Variants in CCND1 observed in about 807,000 individuals in gnomAD.
The protein encoded by CCND1 is G1/S-specific cyclin-D1.
In CCND1, 9 loss-of-function variants were observed where a neutral mutation model predicts 26.1. That is an observed-to-expected ratio of 0.35 (90% confidence interval 0.21 to 0.60). The LOEUF (loss-of-function observed/expected upper bound fraction) is 0.60. CCND1 is among the 20% of genes least tolerant of loss of function. The probability of loss-of-function intolerance (pLI) is 0.79; values close to 1 mark genes in which losing one functional copy is unlikely to be tolerated. For synonymous variants in CCND1, 194 were observed against 166.1 expected (o/e 1.17, Z -1.29); for missense variants, 335 against 392.9 (o/e 0.85, Z 1.25).
At chr11:69,646,738 G>A (rs549500341) in intron 3 of CCND1, among the ~76,000 whole-genome samples, 11 of 152,330 alleles carry the variant, frequency 7.2e-5, no homozygotes, top group African/African-American at 2.2e-4. Context: ...ACCTGTCCAC[G>A]GTAGGCGCAT....
Position 69,652,273 on chromosome 11 carries a change from T to C in CCND1, c.*991T>C. The C allele has an allele frequency of 4.3e-6, 1 of 233,782 alleles. No individual in the cohort carries two copies. The highest frequency in any genetic ancestry group is 1.3e-3 in the Middle Eastern group (1 of 786). The allele number at this position is 233,782 out of a possible 1,614,324, so 14.5% of individuals were successfully genotyped here. On this transcript the variant is annotated 3_prime_UTR_variant, in exon 5 of 5. Transcript: ENST00000227507. ...TACTTGGTTTGTGTTCTTCTTCATA[T>C]TCTAAAACCATTCCATTTCCAAGCA...
At chr11:69,646,293 C>T (rs1228869688) in intron 3 of CCND1, among the ~76,000 whole-genome samples, 4 of 152,194 alleles carry the variant, frequency 2.6e-5, no homozygotes, top group Admixed American at 6.5e-5. Flanking sequence ...AGAGGTGGCT[C>T]GGCTCGTTAA....
rs1244101535 is a variant in CCND1, at chr11:69,653,287, C to T, written c.*2005C>T. 8 of 702,706 alleles carry T rather than the reference C, an allele frequency of 1.1e-5. No homozygotes were observed. Among genetic ancestry groups the T allele is most frequent in the Non-Finnish European group, 1.8e-5 (7 of 384,914 alleles). The allele number at this position is 702,706 out of a possible 1,614,324, so 43.5% of individuals were successfully genotyped here. On this transcript the variant is annotated 3_prime_UTR_variant, in exon 5 of 5. Coordinates refer to ENST00000227507, the MANE Select transcript of CCND1 (RefSeq NM_053056.3). The stretch of plus-strand genomic sequence containing the variant: ...AGGCACGGTTTGGAAATATTCACAT[C>T]GCTTCTGTGTATCTCTTTCACATTG...
intron 4 of CCND1, among the ~76,000 whole-genome samples, chr11:69,648,556 G>A (rs1168044813): frequency 6.6e-6 from 1 of 152,246 alleles, no homozygotes; most frequent in Non-Finnish European, 1.5e-5. Context: ...CCGAGACACC[G>A]GACAACGGGC....
Position 69,653,419 on chromosome 11 carries a change from GTTTT to G in CCND1, c.*2148_*2151del. ...TTGTATTACAGATGCCTTTTTTGTA[GTTTT>G]TTTTTTTTTTATGTGATCAATTTTG... is the stretch of plus-strand genomic sequence containing the variant. On this transcript the variant is annotated 3_prime_UTR_variant, in exon 5 of 5. Transcript: ENST00000227507. 5.4e-6 allele frequency: 3 copies of G among 560,500 alleles called. No individual in the cohort carries two copies. The highest frequency in any genetic ancestry group is 9.4e-6 in the Non-Finnish European group (3 of 320,850). 34.7% of individuals were successfully genotyped at this position (560,500 alleles called of 1,614,324 possible). A position where few individuals can be genotyped will look rare whatever the true frequency, so the allele number is the denominator to read the frequency against.
intron 4 of CCND1, among the ~76,000 whole-genome samples, chr11:69,648,920 C>G (rs2120113075): frequency 6.6e-6 from 1 of 152,266 alleles, no homozygotes; most frequent in East Asian, 1.9e-4. Flanking sequence ...TATCTAGGGT[C>G]CACCTGCCTG....
At chr11:69,647,359 G>A (rs1221950503) in intron 3 of CCND1, among the ~76,000 whole-genome samples, 3 of 152,132 alleles carry the variant, frequency 2.0e-5, no homozygotes, top group East Asian at 1.9e-4. Context: ...GAGCCAAGCC[G>A]GGCTCTCCTG....
chr11:69,649,416 A>G (rs1002460228), intron 4 of CCND1, among the ~76,000 whole-genome samples: 33 of 152,198 alleles, frequency 2.2e-4, no homozygotes, highest in African/African-American at 8.0e-4. Context: ...CACAGCTGAC[A>G]GACACACGGG....
intron 3 of CCND1, among the ~76,000 whole-genome samples, chr11:69,646,843 G>C (rs1855788799): frequency 6.6e-6 from 1 of 152,236 alleles, no homozygotes; most frequent in African/African-American, 2.4e-5. Flanking sequence ...TCTGCTGTTT[G>C]TCTAGGAGGT....
rs1243707954 is a variant in CCND1, at chr11:69,653,033, T to TA, written c.*1757dup. 2.0e-6 allele frequency: 1 copy of TA among 492,800 alleles called. No individual in the cohort carries two copies. Among genetic ancestry groups the TA allele is most frequent in the African/African-American group, 2.0e-5 (1 of 50,278 alleles). 30.5% of individuals were successfully genotyped at this position (492,800 alleles called of 1,614,324 possible). ...AATTCTTATCCCCTGCCCCTTCCTT[T>TA]AAAAAACTTAGTGACAAAATAGACA... On this transcript the variant is annotated 3_prime_UTR_variant, in exon 5 of 5. Coordinates refer to ENST00000227507, the MANE Select transcript of CCND1 (RefSeq NM_053056.3).
Position 69,653,173 on chromosome 11 carries a change from G to A in CCND1, c.*1891G>A. 1.5e-6 allele frequency: 1 copy of A among 645,524 alleles called. No homozygotes were observed. The highest frequency in any genetic ancestry group is 2.8e-6 in the Non-Finnish European group (1 of 358,202). 40.0% of individuals were successfully genotyped at this position (645,524 alleles called of 1,614,324 possible). ...GGAGGACAGGCGGGAGGAGGTGTGAGGAGGAGGCTCCCGAGGGGAAGGGGC... is the reference window on the plus strand; with the variant it reads ...GGAGGACAGGCGGGAGGAGGTGTGAAGAGGAGGCTCCCGAGGGGAAGGGGC... On this transcript the variant is annotated 3_prime_UTR_variant, in exon 5 of 5. Transcript: ENST00000227507.
In CCND1 at chr11:69,654,261, T is replaced by C. The variant is rs904305753; in HGVS notation, c.*2979T>C. 1.4e-6 allele frequency: 1 copy of C among 702,352 alleles called. No individual in the cohort carries two copies. Among genetic ancestry groups the C allele is most frequent in the African/African-American group, 1.7e-5 (1 of 57,214 alleles). The allele number at this position is 702,352 out of a possible 1,614,324, so 43.5% of individuals were successfully genotyped here. A position where few individuals can be genotyped will look rare whatever the true frequency, so the allele number is the denominator to read the frequency against. ...GGGCACAAGTCCTGGATGTTGTGTG[T>C]ATCGAGAGGCCAAAGGCTGGTGGCA... On this transcript the variant is annotated 3_prime_UTR_variant, in exon 5 of 5. Coordinates refer to ENST00000227507, the MANE Select transcript of CCND1 (RefSeq NM_053056.3). This position sits in a 1 kb window ranked among gnomAD's most constrained non-coding sequence, Gnocchi z 6.3.
chr11:69,647,418 C>G (rs3212876), intron 3 of CCND1, among the ~76,000 whole-genome samples: 368 of 152,254 alleles, frequency 2.4e-3, no homozygotes, highest in Non-Finnish European at 4.4e-3. Context: ...TGAAGGCTGC[C>G]GGCCAGGGCT....
At chr11:69,642,948 G>T (rs1590913085) in intron 1 of CCND1, 83 bp from the exon 2 acceptor site, 4 of 1,091,822 alleles carry the variant, frequency 3.7e-6, no homozygotes, top group Non-Finnish European at 4.9e-6. Context: ...TGGCGGCCCT[G>T]CCAAGCGCGA....
chr11:69,643,266 G>C lies in CCND1; in HGVS notation c.414+20G>C. On this transcript the variant is annotated intron_variant, in intron 2 of 4. Transcript: ENST00000227507. ...CTGCTGGTAACCACTGGACCCCGCC[G>C]CCCCCCGCCCCCCGCGAGCCGCACG... is the stretch of plus-strand genomic sequence containing the variant. 6.6e-7 allele frequency: 1 copy of C among 1,518,102 alleles called. No homozygotes were observed. The highest frequency in any genetic ancestry group is 8.9e-7 in the Non-Finnish European group (1 of 1,125,642). The allele number at this position is 1,518,102 out of a possible 1,614,324, so 94.0% of individuals were successfully genotyped here.
chr11:69,654,213 C>CT lies in CCND1; in HGVS notation c.*2934dup, dbSNP rs1855897600. On this transcript the variant is annotated 3_prime_UTR_variant, in exon 5 of 5. Transcript: ENST00000227507. This position sits in a 1 kb window ranked among gnomAD's most constrained non-coding sequence, Gnocchi z 6.3. Reference sequence around the variant, plus strand: ...AACCACGCGGGGGCCTTGAGGGACGCTTTGTCTGTCGTGATGGGGCAAGGG... The same window carrying CT: ...AACCACGCGGGGGCCTTGAGGGACGCTTTTGTCTGTCGTGATGGGGCAAGGG... The CT allele has an allele frequency of 1.4e-6, 1 of 702,366 alleles. No homozygotes were observed. The highest frequency in any genetic ancestry group is 1.7e-5 in the African/African-American group (1 of 57,242). 43.5% of individuals were successfully genotyped at this position (702,366 alleles called of 1,614,324 possible).
chr11:69,641,557 T>C (rs1855700297), intron 1 of CCND1, 46 bp downstream of exon 1: 2 of 1,580,114 alleles, frequency 1.3e-6, no homozygotes, highest in Non-Finnish European at 8.7e-7. Flanking sequence ...TGCAACTTGT[T>C]GCCCAGACCC....
intron 3 of CCND1, among the ~76,000 whole-genome samples, chr11:69,647,518 G>A (rs1239869029): frequency 1.3e-5 from 2 of 152,248 alleles, no homozygotes; most frequent in African/African-American, 2.4e-5. Flanking sequence ...GCCATGCGAT[G>A]TCCCTTCAGA....
intron 4 of CCND1, 103 bp from the exon 5 acceptor site, chr11:69,651,015 T>C: frequency 1.7e-6 from 2 of 1,144,298 alleles, no homozygotes; most frequent in East Asian, 2.9e-5. Context: ...TTAGTCTTGC[T>C]CTTATAAAGG....
Sources: allele counts gnomAD v4.1 joint callset (sites outside exome capture counted in the v4.1 genomes callset), GRCh38; gene constraint gnomAD v4.1.1; non-coding constraint Gnocchi (gnomAD v3.1); transcripts MANE v1.5; gene names NCBI Gene and HGNC (gene_info 2026-07-23, HGNC 2026-07-21).